Variants in UBN1 observed in about 807,000 individuals in gnomAD.
UBN1 encodes ubinuclein 1.
In UBN1, 17 loss-of-function variants were observed where a neutral mutation model predicts 108.5. The ratio of observed to expected loss-of-function variants is 0.16; its 90% CI spans 0.11 to 0.24. The LOEUF is 0.24. Among genes scored for constraint, UBN1 ranks in the 10% least tolerant of loss-of-function variants. UBN1 has a pLI of 1.00. For synonymous variants in UBN1, 726 were observed against 564.2 expected (o/e 1.29, Z -4.07); for missense variants, 1,595 against 1,394.4 (o/e 1.14, Z -2.29).
chr16:4,851,464 C>A (rs564074801), intron 1 of UBN1, among the ~76,000 whole-genome samples: 13 of 151,654 alleles, frequency 8.6e-5, no homozygotes, highest in Non-Finnish European at 1.5e-4. Context: ...AACAAAAAAC[C>A]TATATACACA....
At chr16:4,870,051 G>T (rs1296883345) in intron 8 of UBN1, among the ~76,000 whole-genome samples, 161 bp from the exon 9 acceptor site, 1 of 152,148 alleles carries the variant, frequency 6.6e-6, no homozygotes, top group African/African-American at 2.4e-5. Flanking sequence ...TTTGTTGATT[G>T]CTGAGGATGT....
rs186487775 is a variant in UBN1, at chr16:4,858,663, G to A, written c.432G>A (p.Ala144=). 2.1e-4 allele frequency: 340 copies of A among 1,613,870 alleles called. 2 individuals carry two copies. In the East Asian group the frequency reaches 6.6e-3, roughly 31 times the overall value. The part of the protein sequence containing the change: ...ESDSFIDNSE[A]YDELVPASLT... ...ACTCCTTCATCGATAACTCTGAGGCGGTAAGTAGTTACTGAAAATGCCGTG... is the reference window on the plus strand; with the variant it reads ...ACTCCTTCATCGATAACTCTGAGGCAGTAAGTAGTTACTGAAAATGCCGTG... The change falls in exon 4 of 18, where the codon GCG becomes GCA. Residue 144 remains alanine (A), a splice_region_variant and synonymous_variant. Coordinates refer to ENST00000262376, the MANE Select transcript of UBN1 (RefSeq NM_001079514.3).
chr16:4,848,438 T>A (rs1318363370), intron 1 of UBN1: 1 of 152,242 alleles, frequency 6.6e-6, no homozygotes, highest in Non-Finnish European at 1.5e-5. Context: ...GATCACAGAC[T>A]CCACAGTGTT....
At position 4,870,269 on chromosome 16, in the gene UBN1, T is replaced by C; in HGVS notation, c.1239T>C (p.Tyr413=). The part of the protein sequence containing the change: ...SSQVRSGVYA[Y]LASFLPCSKD... ...AGGTCCGCTCTGGGGTGTATGCCTA[T>C]CTTGCGTCATTCCTGCCCTGCAGCA... The change falls in exon 9 of 18, where the codon TAT becomes TAC. Residue 413 remains tyrosine, a synonymous_variant. Coordinates refer to ENST00000262376, the MANE Select transcript of UBN1 (RefSeq NM_001079514.3). 4 of 1,614,228 alleles carry C rather than the reference T, an allele frequency of 2.5e-6. No individual in the cohort carries two copies. The highest frequency in any genetic ancestry group is 1.3e-5 in the African/African-American group (1 of 75,056).
At chr16:4,871,065 C>G in intron 11 of UBN1, 90 bp from the exon 12 acceptor site, 2 of 1,601,952 alleles carry the variant, frequency 1.2e-6, no homozygotes, top group South Asian at 1.1e-5. Context: ...GGCTCATTTA[C>G]TTTCATCAGG....
intron 1 of UBN1, among the ~76,000 whole-genome samples, chr16:4,849,155 C>G (rs1027508978): frequency 6.6e-6 from 1 of 152,174 alleles, no homozygotes; most frequent in African/African-American, 2.4e-5. Flanking sequence ...GCACCAAAAC[C>G]TAGAGGCATT....
In UBN1 at chr16:4,848,099, C is replaced by A. The variant is rs1320027081; in HGVS notation, c.-151C>A. The A allele has an allele frequency of 6.6e-6, 1 of 152,034 alleles. No individual in the cohort carries two copies. The highest frequency in any genetic ancestry group is 1.5e-5 in the Non-Finnish European group (1 of 68,000). The allele number at this position is 152,034 out of a possible 1,614,324, so 9.4% of individuals were successfully genotyped here. ...TGGGCCGAGGCGCGGGCCGCCCGCC[C>A]GCTGGGAGCCACGGCTTAGCAGCCG... On this transcript the variant is annotated 5_prime_UTR_variant, in exon 1 of 18. Transcript: ENST00000262376.
At chr16:4,848,538 TGTG>T (rs1010342504) in intron 1 of UBN1, 1 of 152,134 alleles carries the variant, frequency 6.6e-6, no homozygotes, top group African/African-American at 2.4e-5. Context: ...CCCAAGGCAT[TGTG>T]GTGGTTAGAG....
intron 12 of UBN1, chr16:4,872,198 T>TA (rs1011822980): frequency 1.0e-6 from 1 of 985,270 alleles, no homozygotes; most frequent in African/African-American, 1.7e-5. Flanking sequence ...GCTGGACTCA[T>TA]ACGAAGAACG....
chr16:4,851,644 C>A (rs2086562632), intron 1 of UBN1, among the ~76,000 whole-genome samples: 1 of 152,020 alleles, frequency 6.6e-6, no homozygotes, highest in Non-Finnish European at 1.5e-5. Context: ...CATAGTGGGT[C>A]AGCATCTCTA....
Position 4,877,045 on chromosome 16 carries a change from G to C in UBN1, c.3199G>C (p.Gly1067Arg), listed in dbSNP as rs2087918122. ...SFSADSSAKA[G>R]VSKDAIVTGP... The stretch of plus-strand genomic sequence containing the variant: ...CAGCGCTGACTCCTCTGCCAAAGCA[G>C]GGGTCTCCAAGGATGCCATCGTCAC... Residue 1067 changes from glycine to arginine, a missense_variant, in exon 16 of 18, where the codon GGG becomes CGG. Gly to Arg is a moderately radical substitution (Grantham distance 125). Transcript: ENST00000262376. The surrounding 1 kb of genome is among the most constrained non-coding windows in gnomAD (Gnocchi z 4.3). 1 of 1,614,092 alleles carries C rather than the reference G, an allele frequency of 6.2e-7. No homozygotes were observed. The highest frequency in any genetic ancestry group is 8.5e-7 in the Non-Finnish European group (1 of 1,180,054).
intron 6 of UBN1, 44 bp downstream of exon 6, chr16:4,860,012 T>C (rs768931053): frequency 8.6e-5 from 138 of 1,610,802 alleles, no homozygotes; most frequent in Non-Finnish European, 1.1e-4. Flanking sequence ...CCTGAACTGT[T>C]AGGGCAGGAC....
chr16:4,848,700 C>G (rs924845085), intron 1 of UBN1, among the ~76,000 whole-genome samples: 1 of 152,112 alleles, frequency 6.6e-6, no homozygotes, highest in African/African-American at 2.4e-5. Flanking sequence ...ATCTTTAAAG[C>G]GTATTTAAGA....
chr16:4,854,421 G>A (rs958154357), intron 2 of UBN1, among the ~76,000 whole-genome samples: 18 of 150,892 alleles, frequency 1.2e-4, no homozygotes, highest in African/African-American at 3.9e-4. Flanking sequence ...TTGGCTCACT[G>A]CAACTTCCGC....
At position 4,847,755 on chromosome 16, in the gene UBN1, A is replaced by G. The variant is rs941007483; in HGVS notation, c.-495A>G. ...CTGACGGAGCTCGGCGCGGCCTGGA[A>G]CTCAGCCTCCGCCGGGTCTGGGCTC... On this transcript the variant is annotated 5_prime_UTR_variant, in exon 1 of 18. Coordinates refer to ENST00000262376, the MANE Select transcript of UBN1 (RefSeq NM_001079514.3). 1 of 154,660 alleles carries G rather than the reference A, an allele frequency of 6.5e-6. No individual in the cohort carries two copies. Among genetic ancestry groups the G allele is most frequent in the African/African-American group, 2.4e-5 (1 of 41,360 alleles). The allele number at this position is 154,660 out of a possible 1,614,324, so 9.6% of individuals were successfully genotyped here.
intron 2 of UBN1, among the ~76,000 whole-genome samples, chr16:4,856,649 A>C (rs1283855150): frequency 6.6e-6 from 1 of 151,408 alleles, no homozygotes; most frequent in African/African-American, 2.5e-5. Context: ...ACCTTCCGTC[A>C]TACAGTCAGG....
At chr16:4,854,922 C>A (rs1271547770) in intron 2 of UBN1, among the ~76,000 whole-genome samples, 1 of 151,796 alleles carries the variant, frequency 6.6e-6, no homozygotes, top group Non-Finnish European at 1.5e-5. Context: ...CAGGGTTCCA[C>A]CGTGTTAGCC....
At chr16:4,876,211 G>A (rs1013129847) in intron 15 of UBN1, among the ~76,000 whole-genome samples, 2 of 152,034 alleles carry the variant, frequency 1.3e-5, no homozygotes, top group African/African-American at 4.8e-5. Context: ...GCCCGCCTCG[G>A]CCTCCCAAAG....
Position 4,860,981 on chromosome 16 carries a change from G to C in UBN1, c.989G>C (p.Arg330Pro). 1 of 1,614,240 alleles carries C rather than the reference G, an allele frequency of 6.2e-7. No individual in the cohort carries two copies. Among genetic ancestry groups the C allele is most frequent in the Non-Finnish European group, 8.5e-7 (1 of 1,180,048 alleles). ...LSESPEGSPF[R>P]DMDDGSDSLG... ...GAGTCTCCAGAAGGAAGTCCCTTCC[G>C]AGATATGGATGATGGAAGTGATTCC... The change falls in exon 7 of 18, where the codon CGA becomes CCA. Residue 330 changes from arginine to proline, a missense_variant. By Grantham distance (103) the Arg-to-Pro change is moderately radical. Coordinates refer to ENST00000262376, the MANE Select transcript of UBN1 (RefSeq NM_001079514.3).
Sources: gnomAD v4.1 joint callset for allele counts (sites outside exome capture counted in the v4.1 genomes callset) on GRCh38, gnomAD v4.1.1 for gene constraint, Gnocchi (gnomAD v3.1) non-coding constraint, MANE v1.5 for transcripts, NCBI Gene and HGNC (gene_info 2026-07-23, HGNC 2026-07-21) for gene names.